Variants in GRID2 observed in about 807,000 individuals in gnomAD.
GRID2 encodes glutamate ionotropic receptor delta type subunit 2.
In GRID2, 33 loss-of-function variants were observed where a neutral mutation model predicts 114.8. That is an observed-to-expected ratio of 0.29 (90% CI 0.22 to 0.38). The LOEUF is 0.38. Among genes scored for constraint, GRID2 ranks in the 10% least tolerant of loss-of-function variants. The probability of loss-of-function intolerance (pLI) is 1.00; values close to 1 mark genes in which losing one functional copy is unlikely to be tolerated. For synonymous variants in GRID2, 505 were observed against 449.9 expected, an observed-to-expected ratio of 1.12 and a Z score of -1.55; for missense variants, 1,184 against 1,257.7, an observed-to-expected ratio of 0.94 and a Z score of 0.89.
At chr4:93,763,341 C>A (rs759736815) in intron 14 of GRID2, among the ~76,000 whole-genome samples, 3 of 152,080 alleles carry the variant, frequency 2.0e-5, no homozygotes, top group Admixed American at 1.3e-4. Flanking sequence ...TCATATTGGG[C>A]TAAATTTAGT....
chr4:93,007,494 G>C (rs1721666768), intron 2 of GRID2, among the ~76,000 whole-genome samples: 1 of 152,048 alleles, frequency 6.6e-6, no homozygotes, highest in Non-Finnish European at 1.5e-5. Context: ...AAGACTATAT[G>C]AGCTAAGGTA....
intron 14 of GRID2, among the ~76,000 whole-genome samples, chr4:93,722,289 C>G (rs1294193030): frequency 6.6e-6 from 1 of 151,952 alleles, no homozygotes; most frequent in Non-Finnish European, 1.5e-5. Flanking sequence ...ACATTTAACC[C>G]CACCCCAAGG....
In GRID2 at chr4:93,772,511, T is replaced by C. The variant is rs754540817; in HGVS notation, c.*13T>C. 1 of 1,540,236 alleles carries C rather than the reference T, an allele frequency of 6.5e-7. No individual in the cohort carries two copies. The highest frequency in any genetic ancestry group is 2.3e-5 in the East Asian group (1 of 44,238). On this transcript the variant is annotated 3_prime_UTR_variant, in exon 16 of 16. Coordinates refer to ENST00000282020, the MANE Select transcript of GRID2 (RefSeq NM_001510.4). ...CACCTCCATATGAGCATCAAACAAA[T>C]CTCTTCACTGTTTCTTTTTTAGGAC...
intron 13 of GRID2, among the ~76,000 whole-genome samples, chr4:93,517,912 G>GTGTATGTATATACTATATA (rs1560705827): frequency 7.0e-6 from 1 of 142,330 alleles, no homozygotes; most frequent in African/African-American, 2.6e-5. Flanking sequence ...GTATGTGTGT[G>GTGTATGTATATACTATATA]TGTATGTATA....
chr4:93,302,539 TACAC>T (rs1167777767), intron 8 of GRID2: 6 of 454,988 alleles, frequency 1.3e-5, no homozygotes, highest in Middle Eastern at 6.6e-4. Flanking sequence ...ATTTGTGTAA[TACAC>T]ATACATATGT....
At chr4:93,004,853 C>G (rs1721345076) in intron 2 of GRID2, among the ~76,000 whole-genome samples, 2 of 152,038 alleles carry the variant, frequency 1.3e-5, no homozygotes, top group Admixed American at 1.3e-4. Flanking sequence ...GAATTTGGCC[C>G]AAGCAATTCA....
At chr4:93,300,516 T>C (rs1207700861) in intron 8 of GRID2, among the ~76,000 whole-genome samples, 1 of 152,154 alleles carries the variant, frequency 6.6e-6, no homozygotes, top group African/African-American at 2.4e-5. Context: ...TACAGCACTT[T>C]TACCCATGTC....
chr4:92,945,206 T>C (rs747518108), intron 2 of GRID2, among the ~76,000 whole-genome samples: 1 of 152,212 alleles, frequency 6.6e-6, no homozygotes, highest in Non-Finnish European at 1.5e-5. Flanking sequence ...AATCTTTGAA[T>C]ATGTGAACCT....
At chr4:93,057,920 C>T (rs1299077101) in intron 2 of GRID2, among the ~76,000 whole-genome samples, 1 of 151,914 alleles carries the variant, frequency 6.6e-6, no homozygotes, top group Non-Finnish European at 1.5e-5. Flanking sequence ...CTCAATTCGT[C>T]ATTCCCCTCC....
At chr4:93,755,168 G>A (rs371662971) in intron 14 of GRID2, among the ~76,000 whole-genome samples, 1 of 152,108 alleles carries the variant, frequency 6.6e-6, no homozygotes, top group African/African-American at 2.4e-5. Context: ...TAGAAAGGTA[G>A]GCTATTCCTT....
At chr4:93,771,928 C>A (rs1734141185) in intron 15 of GRID2, 148 bp from the exon 16 acceptor site, 1 of 606,122 alleles carries the variant, frequency 1.6e-6, no homozygotes, top group African/African-American at 1.9e-5. Context: ...AGCACAGTGC[C>A]TGGCTCATAC....
intron 2 of GRID2, among the ~76,000 whole-genome samples, chr4:92,594,263 A>G (rs1267128395): frequency 6.6e-6 from 1 of 151,866 alleles, no homozygotes; most frequent in Admixed American, 6.6e-5. Flanking sequence ...ATGTTTTGAT[A>G]TTTATTTGCT....
chr4:92,868,439 C>T (rs759669005), intron 2 of GRID2, among the ~76,000 whole-genome samples: 2 of 152,064 alleles, frequency 1.3e-5, no homozygotes, highest in Non-Finnish European at 2.9e-5. Context: ...CCCATACATA[C>T]GAATTTATCT....
intron 4 of GRID2, among the ~76,000 whole-genome samples, chr4:93,192,534 G>A (rs1560969710): frequency 6.6e-6 from 1 of 152,026 alleles, no homozygotes; most frequent in Non-Finnish European, 1.5e-5. Context: ...CTAAGGTCAG[G>A]AGTTCAAGAC....
chr4:92,965,227 T>C (rs1215675819), intron 2 of GRID2, among the ~76,000 whole-genome samples: 1 of 151,572 alleles, frequency 6.6e-6, no homozygotes, highest in Non-Finnish European at 1.5e-5. Context: ...GATCGATTCA[T>C]TTTGCCATCT....
At chr4:92,794,434 TTGTA>T (rs1739752727) in intron 2 of GRID2, among the ~76,000 whole-genome samples, 1 of 151,722 alleles carries the variant, frequency 6.6e-6, no homozygotes, top group Admixed American at 6.6e-5. Context: ...AAAAGAAAAA[TTGTA>T]TGGCAAAATA....
intron 2 of GRID2, among the ~76,000 whole-genome samples, chr4:92,934,698 C>G (rs917732041): frequency 2.7e-5 from 4 of 146,468 alleles, no homozygotes; most frequent in African/African-American, 9.7e-5. Flanking sequence ...AGATATAGAT[C>G]AACAGAACAG....
chr4:92,356,715 C>T (rs1199362470), intron 1 of GRID2, among the ~76,000 whole-genome samples: 1 of 151,684 alleles, frequency 6.6e-6, no homozygotes, highest in Non-Finnish European at 1.5e-5. Context: ...CTGTGTTTTG[C>T]TGTGTCTACT....
intron 2 of GRID2, among the ~76,000 whole-genome samples, chr4:93,015,355 T>C (rs143756995): frequency 7.2e-5 from 11 of 152,268 alleles, no homozygotes; most frequent in African/African-American, 1.4e-4. Flanking sequence ...AGCAAGGGAA[T>C]GAAGAGCACA....
Sources: allele counts gnomAD v4.1 joint callset (sites outside exome capture counted in the v4.1 genomes callset), GRCh38; gene constraint gnomAD v4.1.1; transcripts MANE v1.5; gene names NCBI Gene and HGNC (gene_info 2026-07-23, HGNC 2026-07-21).